ARHGEF12: variants seen among roughly 807,000 people sequenced by gnomAD.
ARHGEF12 encodes KMT2A/ARHGEF12 fusion protein.
A neutral mutation model predicts 211.2 loss-of-function variants in ARHGEF12; 66 were observed. The observed-to-expected ratio is 0.31, with a 90% confidence interval of 0.26 to 0.38. ARHGEF12 has a LOEUF of 0.38. ARHGEF12 is among the 10% of genes least tolerant of loss of function. The probability of loss-of-function intolerance (pLI) is 1.00; values close to 1 mark genes in which losing one functional copy is unlikely to be tolerated. For missense variants in ARHGEF12, 1,429 were observed against 1,869.5 expected (o/e 0.76, Z 4.34); for synonymous variants, 592 against 638.4 (o/e 0.93, Z 1.09).
At chr11:120,369,141 T>C (rs1292440274) in intron 1 of ARHGEF12, among the ~76,000 whole-genome samples, 3 of 147,834 alleles carry the variant, frequency 2.0e-5, no homozygotes, top group African/African-American at 7.5e-5. Flanking sequence ...TTTTTTTTTT[T>C]TTTCTGTGAC....
chr11:120,337,063 C>G lies in ARHGEF12; in HGVS notation c.-181C>G. ...TCGTTTTGGGAGATAACTTGTTTTG[C>G]TCCAAGCCGCATCCGTTGACCCCTT... On this transcript the variant is annotated 5_prime_UTR_variant, in exon 1 of 41. Transcript: ENST00000397843. 1 of 688,380 alleles carries G rather than the reference C, an allele frequency of 1.5e-6. No individual in the cohort carries two copies. 42.6% of individuals were successfully genotyped at this position (688,380 alleles called of 1,614,324 possible). A position where few individuals can be genotyped will look rare whatever the true frequency, so the allele number is the denominator to read the frequency against.
intron 1 of ARHGEF12, among the ~76,000 whole-genome samples, chr11:120,368,780 A>T (rs1943505191): frequency 6.6e-6 from 1 of 152,236 alleles, no homozygotes; most frequent in African/African-American, 2.4e-5. Flanking sequence ...CAGGTTTGTT[A>T]TATCAGTAAA....
intron 11 of ARHGEF12, 122 bp from the exon 12 acceptor site, chr11:120,437,186 G>C: frequency 1.7e-6 from 1 of 584,958 alleles, no homozygotes; most frequent in Non-Finnish European, 2.9e-6. Flanking sequence ...TTTTACGAAA[G>C]ATATTTAGTA....
chr11:120,341,629 G>C (rs1052339168), intron 1 of ARHGEF12, among the ~76,000 whole-genome samples: 1 of 152,146 alleles, frequency 6.6e-6, no homozygotes, highest in African/African-American at 2.4e-5. Flanking sequence ...GGTTCCCAGA[G>C]GTAATTGAAG....
chr11:120,454,907 GAA>G (rs1464822561), intron 22 of ARHGEF12, among the ~76,000 whole-genome samples: 1 of 152,136 alleles, frequency 6.6e-6, no homozygotes, highest in Non-Finnish European at 1.5e-5. Context: ...CTGCAAGTTA[GAA>G]ACAAGTCACT....
intron 1 of ARHGEF12, among the ~76,000 whole-genome samples, chr11:120,348,937 C>T (rs912855652): frequency 6.6e-6 from 1 of 152,084 alleles, no homozygotes; most frequent in Non-Finnish European, 1.5e-5. Flanking sequence ...GTCCCATTCC[C>T]AAGATATCTT....
intron 4 of ARHGEF12, among the ~76,000 whole-genome samples, chr11:120,419,621 C>T (rs1945124597): frequency 6.6e-6 from 1 of 151,728 alleles, no homozygotes; most frequent in Non-Finnish European, 1.5e-5. Context: ...TATGTATATA[C>T]ACTGTGTGTA....
chr11:120,368,860 A>AT (rs987157442), intron 1 of ARHGEF12, among the ~76,000 whole-genome samples: 2 of 151,910 alleles, frequency 1.3e-5, no homozygotes, highest in African/African-American at 4.8e-5. Flanking sequence ...CCCAAAAGTT[A>AT]TTTTTTCTGC....
chr11:120,480,674 GAAAGAAGGATGGT>G (rs1947206867), intron 38 of ARHGEF12, among the ~76,000 whole-genome samples: 1 of 152,170 alleles, frequency 6.6e-6, no homozygotes, highest in Non-Finnish European at 1.5e-5. Context: ...GAAGCTAGGG[GAAAGAAGGATGGT>G]AAATAAGTAA....
At position 120,478,347 on chromosome 11, in the gene ARHGEF12, C is replaced by T. The variant is rs769624442; in HGVS notation, c.3724C>T (p.Pro1242Ser). The T allele has an allele frequency of 1.9e-6, 3 of 1,614,182 alleles. No homozygotes were observed. The highest frequency in any genetic ancestry group is 1.6e-4 in the Middle Eastern group (1 of 6,062). Residue 1242 changes from proline to serine, a missense_variant, in exon 37 of 41, where the codon CCT (proline) becomes TCT (serine). Transcript: ENST00000397843. Reference protein sequence around the residue: ...YQIAIPDSHLPVSEERWALDA... With the variant: ...YQIAIPDSHLSVSEERWALDA... Reference sequence around the variant, plus strand: ...AATCGCAATCCCAGATTCACACCTGCCTGTCTCAGAAGAACGGTGGGCATT... The same window carrying T: ...AATCGCAATCCCAGATTCACACCTGTCTGTCTCAGAAGAACGGTGGGCATT...
intron 1 of ARHGEF12, among the ~76,000 whole-genome samples, chr11:120,381,229 T>G (rs1368622483): frequency 2.6e-5 from 4 of 152,218 alleles, no homozygotes; most frequent in South Asian, 2.1e-4. Context: ...TGTTTCTATA[T>G]GTATCAGTTG....
intron 7 of ARHGEF12, among the ~76,000 whole-genome samples, chr11:120,426,542 A>C (rs1191750801): frequency 2.0e-5 from 3 of 152,220 alleles, no homozygotes; most frequent in African/African-American, 7.2e-5. Flanking sequence ...CAGCTAAAGA[A>C]AGGAAGGGAA....
rs74754822 is a variant in ARHGEF12, at chr11:120,412,253, G to A, written c.199+2803G>A. 5.4e-4 allele frequency among the ~76,000 whole-genome samples: 83 copies of A among 152,314 alleles called. No individual in the cohort carries two copies. In the East Asian group the frequency reaches 0.016, roughly 29 times the overall value. ...GTTAGACCATAGCTGCTGCTTAACC[G>A]CTGTCATGGTGTCTGAACAGATTCC... On this transcript the variant is annotated intron_variant, in intron 4 of 40. Transcript: ENST00000397843.
chr11:120,337,035 A>G lies in ARHGEF12; in HGVS notation c.-209A>G. On this transcript the variant is annotated 5_prime_UTR_variant, in exon 1 of 41. Transcript: ENST00000397843. The stretch of plus-strand genomic sequence containing the variant: ...GACTGACTCGCTCCCTGGCTTTCTC[A>G]GTTCGTTTTGGGAGATAACTTGTTT... 1 of 612,536 alleles carries G rather than the reference A, an allele frequency of 1.6e-6. No individual in the cohort carries two copies. Among genetic ancestry groups the G allele is most frequent in the Non-Finnish European group, 2.9e-6 (1 of 340,424 alleles). The allele number at this position is 612,536 out of a possible 1,614,324, so 37.9% of individuals were successfully genotyped here.
At position 120,475,371 on chromosome 11, in the gene ARHGEF12, T is replaced by C. The variant is rs1344934286; in HGVS notation, c.3141T>C (p.Leu1047=). Reference sequence around the variant, plus strand: ...ACACGTTGCTGCTGGAAGACATTCTTGTATTGTTACAAAAGCAGGATGATA... The same window carrying C: ...ACACGTTGCTGCTGGAAGACATTCTCGTATTGTTACAAAAGCAGGATGATA... ...DLYTLLLEDI[L]VLLQKQDDRL... The change falls in exon 33 of 41, where the codon CTT becomes CTC. Residue 1047 remains leucine (L), a synonymous_variant. Transcript: ENST00000397843. 1 of 1,614,192 alleles carries C rather than the reference T, an allele frequency of 6.2e-7. No individual in the cohort carries two copies. The highest frequency in any genetic ancestry group is 1.7e-5 in the Admixed American group (1 of 60,032).
At chr11:120,354,766 G>T (rs1943085227) in intron 1 of ARHGEF12, among the ~76,000 whole-genome samples, 1 of 152,176 alleles carries the variant, frequency 6.6e-6, no homozygotes, top group Non-Finnish European at 1.5e-5. Flanking sequence ...GGTAGAGAAA[G>T]ATTAGAGAAT....
intron 13 of ARHGEF12, 58 bp from the exon 14 acceptor site, chr11:120,441,649 C>A: frequency 7.2e-7 from 1 of 1,382,966 alleles, no homozygotes; most frequent in East Asian, 2.3e-5. Flanking sequence ...ATTGAGCCTA[C>A]TTTGCATTTA....
intron 17 of ARHGEF12, 37 bp downstream of exon 17, chr11:120,446,545 T>C (rs1946052745): frequency 6.6e-7 from 1 of 1,506,116 alleles, no homozygotes; most frequent in African/African-American, 1.4e-5. Context: ...ATATGATTAT[T>C]CTAAATTAAT....
intron 21 of ARHGEF12, 179 bp from the exon 22 acceptor site, chr11:120,451,333 C>T: frequency 3.8e-6 from 2 of 531,658 alleles, no homozygotes; most frequent in South Asian, 2.1e-5. Flanking sequence ...CATGTGCCAC[C>T]ACGCCCAGCT....
Sources: gnomAD v4.1 joint callset for allele counts (sites outside exome capture counted in the v4.1 genomes callset) on GRCh38, gnomAD v4.1.1 for gene constraint, MANE v1.5 for transcripts, NCBI Gene and HGNC (gene_info 2026-07-23, HGNC 2026-07-21) for gene names.